FSIP2: variants seen among roughly 807,000 people sequenced by gnomAD.
FSIP2 encodes fibrous sheath interacting protein 2.
FSIP2 carries 367 observed loss-of-function variants against 510.5 expected under a neutral mutation model. That is an observed-to-expected ratio of 0.72 (90% CI 0.66 to 0.78). FSIP2 has a LOEUF of 0.78. Ranked by LOEUF, FSIP2 falls within the 30% of genes least tolerant of loss-of-function variation. The pLI is 0.00. For synonymous variants in FSIP2, 2,601 were observed against 2,732.2 expected, an observed-to-expected ratio of 0.95 and a Z score of 1.50; for missense variants, 7,594 against 7,901.7, an observed-to-expected ratio of 0.96 and a Z score of 1.48.
rs1693144610 is a variant in FSIP2, at chr2:185,792,064, C to T, written c.4928C>T (p.Ala1643Val). 1.3e-6 allele frequency: 2 copies of T among 1,533,274 alleles called. No homozygotes were observed. The highest frequency in any genetic ancestry group is 1.7e-6 in the Non-Finnish European group (2 of 1,144,964). The allele number at this position is 1,533,274 out of a possible 1,614,324, so 95.0% of individuals were successfully genotyped here. Residue 1643 changes from alanine (A) to valine (V), a missense_variant, in exon 16 of 23, where the codon GCA becomes GTA. Coordinates refer to ENST00000424728, the MANE Select transcript of FSIP2 (RefSeq NM_173651.4). Reference sequence around the variant, plus strand: ...TTTCTGTCTGCTTTATATATGCATGCAAAGAAGGTATCAAGTGCTATTTTG... The same window carrying T: ...TTTCTGTCTGCTTTATATATGCATGTAAAGAAGGTATCAAGTGCTATTTTG... ...ASFLSALYMH[A>V]KKVSSAILKV...
At chr2:185,816,109 G>A (rs1341212517) in intron 19 of FSIP2, among the ~76,000 whole-genome samples, 1 of 151,770 alleles carries the variant, frequency 6.6e-6, no homozygotes, top group African/African-American at 2.4e-5. Flanking sequence ...CTAAATTTGT[G>A]CTTGCATTTA....
At position 185,789,936 on chromosome 2, in the gene FSIP2, C is replaced by A. The variant is rs773515862; in HGVS notation, c.2800C>A (p.Leu934Ile). The change falls in exon 16 of 23, where the codon CTC becomes ATC. Residue 934 changes from leucine to isoleucine, a missense_variant. By Grantham distance (5) the Leu-to-Ile change is conservative. Coordinates refer to ENST00000424728, the MANE Select transcript of FSIP2 (RefSeq NM_173651.4). The stretch of plus-strand genomic sequence containing the variant: ...TATTGCATCTGAAGAAACCGTAGTA[C>A]TCCTTCAGCTACTTGAGGACATCCT... ...RIIASEETVV[L>I]LQLLEDILFQ... is the part of the protein sequence containing the mutation. The A allele has an allele frequency of 4.6e-6, 7 of 1,534,006 alleles. No homozygotes were observed. In the South Asian group the frequency reaches 8.3e-5, roughly 18 times the overall value.
rs531526597 is a variant in FSIP2, at chr2:185,779,677, ATT to A, written c.1412-3027_1412-3026del. On this transcript the variant is annotated intron_variant, in intron 13 of 22. Coordinates refer to ENST00000424728, the MANE Select transcript of FSIP2 (RefSeq NM_173651.4). ...TTATCAGTCAAATTGCTTTCTTATT[ATT>A]GTTTTATACAGATTTTATTTATATT... Among the ~76,000 whole-genome samples, 174 of 152,126 alleles carry A rather than the reference ATT, an allele frequency of 1.1e-3. 1 individual carries two copies. The highest frequency in any genetic ancestry group is 3.9e-3 in the African/African-American group (160 of 41,522).
At position 185,796,597 on chromosome 2, in the gene FSIP2, C is replaced by T. The variant is rs1693284702; in HGVS notation, c.9461C>T (p.Thr3154Ile). Reference sequence around the variant, plus strand: ...TTCCAAGGAGCTGAAAATGCCTACACTGTTAATCAGGTTGAATTAGCAACT... The same window carrying T: ...TTCCAAGGAGCTGAAAATGCCTACATTGTTAATCAGGTTGAATTAGCAACT... ...SLFQGAENAY[T>I]VNQVELATNM... Residue 3154 changes from threonine to isoleucine, a missense_variant, in exon 16 of 23, where the codon ACT (threonine) becomes ATT (isoleucine). Transcript: ENST00000424728. The T allele has an allele frequency of 6.5e-7, 1 of 1,535,120 alleles. No homozygotes were observed. Among genetic ancestry groups the T allele is most frequent in the African/African-American group, 1.4e-5 (1 of 73,036 alleles).
rs1287310396 is a variant in FSIP2 at position 185,805,166 on chromosome 2, A to G, written c.15860A>G (p.Lys5287Arg). 3.1e-6 allele frequency: 5 copies of G among 1,610,182 alleles called. No homozygotes were observed. Among genetic ancestry groups the G allele is most frequent in the African/African-American group, 1.3e-5 (1 of 74,668 alleles). ...LEDIIIDLVH[K>R]FCSLLIITED... Reference sequence around the variant, plus strand: ...GACATAATCATTGACCTTGTTCACAAATTTTGTTCTCTCCTCATTATTACT... The same window carrying G: ...GACATAATCATTGACCTTGTTCACAGATTTTGTTCTCTCCTCATTATTACT... The change falls in exon 17 of 23, where the codon AAA becomes AGA. Residue 5287 changes from lysine (K) to arginine (R), a missense_variant. Transcript: ENST00000424728.
chr2:185,824,529 G>T, intron 20 of FSIP2, 49 bp downstream of exon 20: 3 of 1,081,090 alleles, frequency 2.8e-6, no homozygotes, highest in East Asian at 2.4e-5. Flanking sequence ...CTACTTTGAT[G>T]TGTTTTTTTT....
chr2:185,796,843 C>T lies in FSIP2; in HGVS notation c.9707C>T (p.Ser3236Phe). Residue 3236 changes from serine (S) to phenylalanine (F), a missense_variant, in exon 16 of 23, where the codon TCT (serine) becomes TTT (phenylalanine). Physicochemically the swap from Ser to Phe is radical, Grantham distance 155. Transcript: ENST00000424728. ...GATTCAGAAACTATGCCATCGTGTT[C>T]TACTAGAAACAAAGTACAAGACCAC... ...RPDSETMPSC[S>F]TRNKVQDHRP... 6.5e-7 allele frequency: 1 copy of T among 1,535,096 alleles called. No individual in the cohort carries two copies. The highest frequency in any genetic ancestry group is 8.7e-7 in the Non-Finnish European group (1 of 1,146,300).
At chr2:185,747,589 A>G (rs1692059476) in intron 7 of FSIP2, among the ~76,000 whole-genome samples, 166 bp downstream of exon 7, 1 of 152,112 alleles carries the variant, frequency 6.6e-6, no homozygotes, top group African/African-American at 2.4e-5. Context: ...TTTGACTATC[A>G]TATAAAAAGT....
rs555595035 is a variant in FSIP2 at position 185,794,946 on chromosome 2, G to C, written c.7810G>C (p.Ala2604Pro). The stretch of plus-strand genomic sequence containing the variant: ...TTCCCCTAGATATGCGATATCACAG[G>C]CTTATTCTTATGTCGACAGTCAAAA... ...SNSPRYAISQ[A>P]YSYVDSQNIS... Residue 2604 changes from alanine (A) to proline (P), a missense_variant, in exon 16 of 23, where the codon GCT becomes CCT. Coordinates refer to ENST00000424728, the MANE Select transcript of FSIP2 (RefSeq NM_173651.4). 5 of 1,533,722 alleles carry C rather than the reference G, an allele frequency of 3.3e-6. No homozygotes were observed. In the South Asian group the frequency reaches 6.0e-5, roughly 18 times the overall value.
Position 185,803,098 on chromosome 2 carries a change from T to C in FSIP2, c.13792T>C (p.Leu4598=). Reference sequence around the variant, plus strand: ...TCAGCCATTTGTGAGTGGAAAATCATTATCTTCATCAGACACATATTTTGA... The same window carrying C: ...TCAGCCATTTGTGAGTGGAAAATCACTATCTTCATCAGACACATATTTTGA... ...HLQPFVSGKS[L]SSSDTYFDDE... The change falls in exon 17 of 23, where the codon TTA becomes CTA. Residue 4598 remains leucine (L), a synonymous_variant. Transcript: ENST00000424728. The C allele has an allele frequency of 1.3e-6, 2 of 1,516,128 alleles. No homozygotes were observed. Among genetic ancestry groups the C allele is most frequent in the Admixed American group, 2.1e-5 (1 of 47,476 alleles). The allele number at this position is 1,516,128 out of a possible 1,614,324, so 93.9% of individuals were successfully genotyped here.
In FSIP2 at chr2:185,744,358, C is replaced by T; in HGVS notation, c.424C>T (p.Gln142Ter). 7.9e-7 allele frequency: 1 copy of T among 1,258,054 alleles called. No homozygotes were observed. The highest frequency in any genetic ancestry group is 3.0e-5 in the East Asian group (1 of 33,790). 77.9% of individuals were successfully genotyped at this position (1,258,054 alleles called of 1,614,324 possible). Reference protein sequence around the residue: ...CTLRELNKYRQYLTSLKLDFE... With the variant: ...CTLRELNKYR Reference sequence around the variant, plus strand: ...CTTGAGAGAATTGAATAAGTACAGGCAATATCTTACCAGTTTAAAATTAGA... The same window carrying T: ...CTTGAGAGAATTGAATAAGTACAGGTAATATCTTACCAGTTTAAAATTAGA... The change falls in exon 4 of 23, where the codon CAA (glutamine) becomes TAA (stop). Residue 142 changes from glutamine to a stop codon, truncating the protein, a stop_gained. Coordinates refer to ENST00000424728, the MANE Select transcript of FSIP2 (RefSeq NM_173651.4). LOFTEE classifies it high-confidence loss of function.
intron 13 of FSIP2, among the ~76,000 whole-genome samples, chr2:185,771,031 C>A (rs1485749179): frequency 6.6e-6 from 1 of 152,180 alleles, no homozygotes; most frequent in Non-Finnish European, 1.5e-5. Flanking sequence ...GATTCCATGT[C>A]TCTCATCCTG....
chr2:185,787,727 T>A (rs1693023241), intron 15 of FSIP2, among the ~76,000 whole-genome samples: 1 of 151,690 alleles, frequency 6.6e-6, no homozygotes. Flanking sequence ...GACAGCAACA[T>A]TAGTCACTAA....
rs1399285342 is a variant in FSIP2, at chr2:185,800,959, A to G, written c.11653A>G (p.Ile3885Val). The stretch of plus-strand genomic sequence containing the variant: ...AACAAGAGAAATACAGTCTAGTTTC[A>G]TAAAAGCAAGAAAGTCAGAATTAAT... Reference protein sequence around the residue: ...YRTREIQSSFIKARKSELIEL... With the variant: ...YRTREIQSSFVKARKSELIEL... Residue 3885 changes from isoleucine to valine, a missense_variant, in exon 17 of 23, where the codon ATA (isoleucine) becomes GTA (valine). Transcript: ENST00000424728. 27 of 1,529,172 alleles carry G rather than the reference A, an allele frequency of 1.8e-5. No individual in the cohort carries two copies. The highest frequency in any genetic ancestry group is 1.5e-5 in the Non-Finnish European group (17 of 1,143,372). 94.7% of individuals were successfully genotyped at this position (1,529,172 alleles called of 1,614,324 possible).
At position 185,791,049 on chromosome 2, in the gene FSIP2, G is replaced by A; in HGVS notation, c.3913G>A (p.Ala1305Thr). 2.0e-6 allele frequency: 3 copies of A among 1,532,328 alleles called. No individual in the cohort carries two copies. Among genetic ancestry groups the A allele is most frequent in the Non-Finnish European group, 2.6e-6 (3 of 1,144,704 alleles). The allele number at this position is 1,532,328 out of a possible 1,614,324, so 94.9% of individuals were successfully genotyped here. A position where few individuals can be genotyped will look rare whatever the true frequency, so the allele number is the denominator to read the frequency against. ...TAKIVNIVLC[A>T]IQNELELHKE... is the part of the protein sequence containing the mutation. ...TAAAATAGTAAACATTGTTTTATGT[G>A]CTATCCAGAATGAACTGGAACTTCA... The change falls in exon 16 of 23, where the codon GCT becomes ACT. Residue 1305 changes from alanine (A) to threonine (T), a missense_variant. Transcript: ENST00000424728.
At chr2:185,752,844 G>C (rs1377598616) in intron 7 of FSIP2, among the ~76,000 whole-genome samples, 1 of 151,250 alleles carries the variant, frequency 6.6e-6, no homozygotes, top group African/African-American at 2.4e-5. Flanking sequence ...TACATGCCTA[G>C]TATTCTTTGA....
chr2:185,805,599 C>T lies in FSIP2; in HGVS notation c.16293C>T (p.Ser5431=). Residue 5431 remains serine, a synonymous_variant, in exon 17 of 23, where the codon AGC becomes AGT. Coordinates refer to ENST00000424728, the MANE Select transcript of FSIP2 (RefSeq NM_173651.4). ...CACAAAACACCTTTACACAAATAAG[C>T]AGATGTGCAAAAGAGAACCAACTTT... The part of the protein sequence containing the change: ...HLPQNTFTQI[S]RCAKENQLSL... The T allele has an allele frequency of 6.2e-7, 1 of 1,608,740 alleles. No homozygotes were observed. Among genetic ancestry groups the T allele is most frequent in the Non-Finnish European group, 8.5e-7 (1 of 1,177,628 alleles).
chr2:185,793,409 A>C lies in FSIP2; in HGVS notation c.6273A>C (p.Gln2091His). 6.5e-7 allele frequency: 1 copy of C among 1,533,398 alleles called. No homozygotes were observed. Among genetic ancestry groups the C allele is most frequent in the Non-Finnish European group, 8.7e-7 (1 of 1,144,952 alleles). 95.0% of individuals were successfully genotyped at this position (1,533,398 alleles called of 1,614,324 possible). The change falls in exon 16 of 23, where the codon CAA becomes CAC. Residue 2091 changes from glutamine to histidine, a missense_variant. By Grantham distance (24) the Gln-to-His change is conservative. Coordinates refer to ENST00000424728, the MANE Select transcript of FSIP2 (RefSeq NM_173651.4). ...GAAAAGTACTTCAACTTCAAATACA[A>C]GATACCATTGAAGGTATCCTATGTG... ...KYRKVLQLQI[Q>H]DTIEGILCDI...
At chr2:185,798,971 G>A (rs533374262) in intron 16 of FSIP2, among the ~76,000 whole-genome samples, 1 of 151,776 alleles carries the variant, frequency 6.6e-6, no homozygotes, top group Non-Finnish European at 1.5e-5. Context: ...GTAGAGTCTT[G>A]CCTGATAACA....
Sources: gnomAD v4.1 joint callset for allele counts (sites outside exome capture counted in the v4.1 genomes callset) on GRCh38, gnomAD v4.1.1 for gene constraint, MANE v1.5 for transcripts, NCBI Gene and HGNC (gene_info 2026-07-23, HGNC 2026-07-21) for gene names.